POLR1D: variants seen among roughly 807,000 people sequenced by gnomAD.
The protein encoded by POLR1D is RNA polymerase I and III subunit D.
In POLR1D, 8 loss-of-function variants were observed where a neutral mutation model predicts 10.8. The ratio of observed to expected loss-of-function variants is 0.74; its 90% CI spans 0.43 to 1.33. The LOEUF is 1.33. POLR1D is among the 40% of genes most tolerant of loss of function. POLR1D has a pLI of 0.01. For missense variants in POLR1D, 152 were observed against 161.7 expected (o/e 0.94, Z 0.32); for synonymous variants, 54 against 57.2 (o/e 0.94, Z 0.25).
At chr13:27,665,560 G>GC in intron 2 of POLR1D, 1 of 862,554 alleles carries the variant, frequency 1.2e-6, no homozygotes, top group Non-Finnish European at 1.9e-6. Flanking sequence ...TGCAAGGAAA[G>GC]CTAACAAATT....
At chr13:27,634,432 A>G (rs974519390) in intron 1 of POLR1D, among the ~76,000 whole-genome samples, 1 of 152,214 alleles carries the variant, frequency 6.6e-6, no homozygotes, top group Non-Finnish European at 1.5e-5. Context: ...GAGGAAGCCA[A>G]CTAGACTTAC....
downstream of POLR1D, among the ~76,000 whole-genome samples, chr13:27,626,159 C>T (rs994154274): frequency 2.6e-5 from 4 of 152,204 alleles, no homozygotes; most frequent in East Asian, 1.9e-4. Context: ...CTTTTTTCCT[C>T]TCCCAAAACT....
At chr13:27,645,866 A>G (rs938468492) in intron 1 of POLR1D, among the ~76,000 whole-genome samples, 1 of 152,206 alleles carries the variant, frequency 6.6e-6, no homozygotes, top group Admixed American at 6.5e-5. Context: ...AAAATTAATA[A>G]CAGTGCTAGA....
intron 2 of POLR1D, among the ~76,000 whole-genome samples, chr13:27,659,549 A>G (rs565867191): frequency 1.1e-3 from 169 of 152,282 alleles, no homozygotes; most frequent in Non-Finnish European, 1.3e-3. Context: ...CTTGTATGGC[A>G]TCACTTCTCT....
At chr13:27,657,330 G>C (rs1956317501) in intron 2 of POLR1D, among the ~76,000 whole-genome samples, 1 of 152,084 alleles carries the variant, frequency 6.6e-6, no homozygotes, top group Admixed American at 6.5e-5. Flanking sequence ...AGGAGTTCAA[G>C]AGCAGCCTGG....
chr13:27,656,235 G>C (rs1473451282), intron 2 of POLR1D, among the ~76,000 whole-genome samples: 1 of 152,146 alleles, frequency 6.6e-6, no homozygotes, highest in Non-Finnish European at 1.5e-5. Context: ...AAAGACAAGT[G>C]GTAGACTGGT....
intron 2 of POLR1D, among the ~76,000 whole-genome samples, chr13:27,662,451 T>C (rs1956373725): frequency 6.6e-6 from 1 of 152,222 alleles, no homozygotes; most frequent in East Asian, 1.9e-4. Context: ...ATAAAGACTA[T>C]ATAAATAGCC....
Position 27,623,434 on chromosome 13 carries a change from C to A in POLR1D, c.*184C>A. 7.6e-7 allele frequency: 1 copy of A among 1,322,588 alleles called. No individual in the cohort carries two copies. Among genetic ancestry groups the A allele is most frequent in the Non-Finnish European group, 9.9e-7 (1 of 1,012,248 alleles). 81.9% of individuals were successfully genotyped at this position (1,322,588 alleles called of 1,614,324 possible). A position where few individuals can be genotyped will look rare whatever the true frequency, so the allele number is the denominator to read the frequency against. On this transcript the variant is annotated 3_prime_UTR_variant, in exon 2 of 2. Transcript: ENST00000302979. ...AACCTCTGTATTCTTCTAATAAATT[C>A]CCTCTTTTATTTAAACTAGTTTGAC...
intron 2 of POLR1D, among the ~76,000 whole-genome samples, chr13:27,664,234 C>T (rs778304238): frequency 1.3e-5 from 2 of 152,166 alleles, no homozygotes; most frequent in Admixed American, 6.5e-5. Flanking sequence ...ACTAAGGCAG[C>T]GTAATGCTGG....
chr13:27,622,485 T>G, intron 1 of POLR1D: 1 of 304,694 alleles, frequency 3.3e-6, no homozygotes. Flanking sequence ...TGATCATCTG[T>G]ATCCTCTATT....
intron 2 of POLR1D, among the ~76,000 whole-genome samples, chr13:27,662,362 A>ACC (rs35414935): frequency 0.039 from 5,843 of 150,890 alleles, 300 homozygotes; most frequent in African/African-American, 0.13. Flanking sequence ...TGTACTAGAC[A>ACC]CCCCCCCCAC....
intron 1 of POLR1D, among the ~76,000 whole-genome samples, chr13:27,637,255 C>G (rs182865804): frequency 1.3e-3 from 199 of 152,300 alleles, no homozygotes; most frequent in Non-Finnish European, 1.7e-3. Flanking sequence ...TTTCTCCATA[C>G]TATAGAGATT....
At chr13:27,628,811 T>A (rs1340922293) in intron 1 of POLR1D, among the ~76,000 whole-genome samples, 1 of 152,136 alleles carries the variant, frequency 6.6e-6, no homozygotes, top group East Asian at 1.9e-4. Context: ...GGGGCTTATT[T>A]TAATTGAACT....
chr13:27,646,704 T>G (rs1956223602), intron 1 of POLR1D, among the ~76,000 whole-genome samples: 1 of 152,156 alleles, frequency 6.6e-6, no homozygotes, highest in Non-Finnish European at 1.5e-5. Flanking sequence ...TTTTGAAGAT[T>G]AAGAGGTGGT....
At chr13:27,621,815 G>A (rs1955927466), upstream of POLR1D, 1 of 642,858 alleles carries the variant, frequency 1.6e-6, no homozygotes, top group Non-Finnish European at 2.7e-6. Context: ...CTCATGCCCC[G>A]CCCCGCGGCT....
intron 1 of POLR1D, 141 bp downstream of exon 1, chr13:27,622,150 A>G: frequency 2.7e-6 from 2 of 733,114 alleles, no homozygotes; most frequent in Non-Finnish European, 4.8e-6. Flanking sequence ...GGGAGGAGAC[A>G]TGAATGTGTT....
At chr13:27,662,987 T>C (rs997311922) in intron 2 of POLR1D, among the ~76,000 whole-genome samples, 1 of 152,200 alleles carries the variant, frequency 6.6e-6, no homozygotes, top group Non-Finnish European at 1.5e-5. Context: ...CACTGTCTCA[T>C]GTAGTGTGAT....
chr13:27,640,274 G>A (rs1481368273), intron 1 of POLR1D, among the ~76,000 whole-genome samples: 1 of 152,132 alleles, frequency 6.6e-6, no homozygotes, highest in African/African-American at 2.4e-5. Flanking sequence ...TGGAGATCCA[G>A]TGCTCAGTGC....
chr13:27,621,308 C>T (rs1018242806), upstream of POLR1D: 1 of 152,408 alleles, frequency 6.6e-6, no homozygotes, highest in African/African-American at 2.4e-5. Context: ...CCAAAAGAGA[C>T]ATTTCTTTCT....
Sources: gnomAD v4.1 joint callset for allele counts (sites outside exome capture counted in the v4.1 genomes callset) on GRCh38, gnomAD v4.1.1 for gene constraint, MANE v1.5 for transcripts, NCBI Gene and HGNC (gene_info 2026-07-23, HGNC 2026-07-21) for gene names.